The following CA10 variants were observed in gnomAD, a reference collection of about 807,000 sequenced individuals.
CA10 encodes carbonic anhydrase-related protein 10.
In CA10, 14 loss-of-function variants were observed where a neutral mutation model predicts 44.2. The ratio of observed to expected loss-of-function variants is 0.32; its 90% CI spans 0.21 to 0.50. The LOEUF (loss-of-function observed/expected upper bound fraction) is 0.50, where lower values mean the gene tolerates loss of function less well. Ranked by LOEUF, CA10 falls within the 20% of genes least tolerant of loss-of-function variation. The pLI is 0.99. For missense variants in CA10, 350 were observed against 409.7 expected (o/e 0.85, Z 1.26); for synonymous variants, 159 against 141.6 (o/e 1.12, Z -0.87).
chr17:51,990,599 T>C (rs1985006321), intron 2 of CA10, among the ~76,000 whole-genome samples: 1 of 152,118 alleles, frequency 6.6e-6, no homozygotes, highest in Admixed American at 6.6e-5. Flanking sequence ...TAAATTTTAT[T>C]GTACATCAAT....
intron 1 of CA10, among the ~76,000 whole-genome samples, chr17:52,116,083 T>A (rs1476131975): frequency 1.8e-5 from 2 of 111,116 alleles, no homozygotes; most frequent in Non-Finnish European, 3.4e-5. Flanking sequence ...TCAGCGAGAC[T>A]CTGTCTCAAA....
chr17:52,063,146 C>T (rs928595440), intron 2 of CA10, among the ~76,000 whole-genome samples: 1 of 152,188 alleles, frequency 6.6e-6, no homozygotes, highest in African/African-American at 2.4e-5. Context: ...AGACTGCTTA[C>T]CCCTTTCTTT....
chr17:52,091,561 G>C (rs867571321), intron 1 of CA10, among the ~76,000 whole-genome samples: 6 of 152,166 alleles, frequency 3.9e-5, no homozygotes, highest in Non-Finnish European at 7.4e-5. Context: ...TCAGTTACTC[G>C]TTTTGCTCAT....
At chr17:51,872,970 T>C (rs900256146) in intron 3 of CA10, among the ~76,000 whole-genome samples, 1 of 152,158 alleles carries the variant, frequency 6.6e-6, no homozygotes, top group Admixed American at 6.5e-5. Context: ...TCAGGGAGTG[T>C]TGAGAGATAT....
intron 3 of CA10, among the ~76,000 whole-genome samples, chr17:51,772,403 G>A (rs1222397278): frequency 6.6e-6 from 1 of 151,994 alleles, no homozygotes; most frequent in African/African-American, 2.4e-5. Context: ...TGAATGATAC[G>A]AAGCAAAAAA....
intron 3 of CA10, among the ~76,000 whole-genome samples, chr17:51,750,704 G>T (rs1300753238): frequency 2.0e-5 from 3 of 152,172 alleles, no homozygotes; most frequent in African/African-American, 7.2e-5. Flanking sequence ...CCCTTCAAAT[G>T]ACATTAAGCA....
chr17:52,049,310 C>G (rs1986995237), intron 2 of CA10, among the ~76,000 whole-genome samples: 1 of 152,114 alleles, frequency 6.6e-6, no homozygotes, highest in African/African-American at 2.4e-5. Flanking sequence ...CTGCTACTTA[C>G]TAGCTATGCG....
intron 4 of CA10, among the ~76,000 whole-genome samples, chr17:51,732,983 A>G (rs529636816): frequency 1.3e-5 from 2 of 152,298 alleles, no homozygotes; most frequent in East Asian, 3.9e-4. Context: ...TCATTTGTCC[A>G]GTTACCCTTG....
At chr17:52,107,479 T>C (rs1291348389) in intron 1 of CA10, among the ~76,000 whole-genome samples, 1 of 152,100 alleles carries the variant, frequency 6.6e-6, no homozygotes. Context: ...CTCACAAAGC[T>C]CCCCATACTT....
chr17:51,789,592 C>T (rs1043557889), intron 3 of CA10, among the ~76,000 whole-genome samples: 7 of 152,132 alleles, frequency 4.6e-5, no homozygotes, highest in African/African-American at 1.7e-4. Context: ...GCTCATGATA[C>T]TCCCTCAGTT....
chr17:51,806,880 G>A (rs1907159964), intron 3 of CA10, among the ~76,000 whole-genome samples: 1 of 152,198 alleles, frequency 6.6e-6, no homozygotes, highest in Non-Finnish European at 1.5e-5. Context: ...TATGTTATGT[G>A]GTGCTGGCTA....
chr17:52,010,719 ATAACT>A (rs935687987), intron 2 of CA10, among the ~76,000 whole-genome samples: 1 of 151,950 alleles, frequency 6.6e-6, no homozygotes, highest in Non-Finnish European at 1.5e-5. Context: ...TCACCACTAA[ATAACT>A]TAAAGAATGC....
chr17:51,806,353 C>T (rs993350141), intron 3 of CA10, among the ~76,000 whole-genome samples: 2 of 152,172 alleles, frequency 1.3e-5, no homozygotes, highest in Non-Finnish European at 2.9e-5. Context: ...AGTGTTCCTA[C>T]TTTTGCTTCC....
chr17:51,736,594 G>A (rs1916921485), intron 4 of CA10, among the ~76,000 whole-genome samples: 1 of 152,114 alleles, frequency 6.6e-6, no homozygotes, highest in African/African-American at 2.4e-5. Flanking sequence ...TCATTTCCAA[G>A]GCTGAGTCCA....
rs1355245330 is a variant in CA10, at chr17:51,631,493, G to GGA, written c.*89_*90dup. The GGA allele has an allele frequency of 3.4e-6, 4 of 1,180,288 alleles. No individual in the cohort carries two copies. The African/African-American group carries it at 6.1e-5, about 18-fold the overall frequency. The allele number at this position is 1,180,288 out of a possible 1,614,324, so 73.1% of individuals were successfully genotyped here. A position where few individuals can be genotyped will look rare whatever the true frequency, so the allele number is the denominator to read the frequency against. On this transcript the variant is annotated 3_prime_UTR_variant, in exon 9 of 9. Transcript: ENST00000451037. ...AATGAATGAGGCTTGGGGGAAAGAAGGAGAGAGAAGCAAGAAGGGGGACAT... is the reference window on the plus strand; with the variant it reads ...AATGAATGAGGCTTGGGGGAAAGAAGGAGAGAGAGAAGCAAGAAGGGGGACAT...
chr17:51,754,410 T>G (rs1346389278), intron 3 of CA10, among the ~76,000 whole-genome samples: 2 of 52,070 alleles, frequency 3.8e-5, no homozygotes, highest in Non-Finnish European at 7.1e-5. Context: ...GATATATATA[T>G]ATATATATAT....
chr17:52,047,701 T>C (rs1764584185), intron 2 of CA10, among the ~76,000 whole-genome samples: 1 of 151,970 alleles, frequency 6.6e-6, no homozygotes, highest in Non-Finnish European at 1.5e-5. Context: ...GTTTTTCTTC[T>C]ATAGTTATGA....
chr17:51,871,381 A>G (rs1598092063), intron 3 of CA10, among the ~76,000 whole-genome samples: 1 of 131,880 alleles, frequency 7.6e-6, no homozygotes. Context: ...ACAGGTGCCC[A>G]CCACCAGGCC....
At chr17:51,714,867 A>G (rs1598003800) in intron 4 of CA10, among the ~76,000 whole-genome samples, 1 of 152,222 alleles carries the variant, frequency 6.6e-6, no homozygotes, top group East Asian at 1.9e-4. Context: ...GATTCGGCTA[A>G]ATGGGTGCTC....
Sources: gnomAD v4.1 joint callset for allele counts (sites outside exome capture counted in the v4.1 genomes callset) on GRCh38, gnomAD v4.1.1 for gene constraint, MANE v1.5 for transcripts, NCBI Gene and HGNC (gene_info 2026-07-23, HGNC 2026-07-21) for gene names.